Variants in EYS observed in about 807,000 individuals in gnomAD.
The protein encoded by EYS is EGF-like photoreceptor maintenance factor, also known as protein eyes shut homolog.
Under a neutral mutation model 282.1 loss-of-function variants are expected in EYS, and 250 were observed. The ratio of observed to expected loss-of-function variants is 0.89; its 90% CI spans 0.80 to 0.98. EYS has a LOEUF of 0.98. Ranked by LOEUF, EYS falls within the 50% of genes least tolerant of loss-of-function variation. The pLI is 0.00. For missense variants in EYS, 4,016 were observed against 3,709.0 expected, an observed-to-expected ratio of 1.08 and a Z score of -2.15; for synonymous variants, 1,355 against 1,282.9, an observed-to-expected ratio of 1.06 and a Z score of -1.20.
chr6:65,694,080 A>T (rs576961542), intron 1 of EYS, among the ~76,000 whole-genome samples: 4 of 150,264 alleles, frequency 2.7e-5, no homozygotes, highest in African/African-American at 7.3e-5. Flanking sequence ...ATTGTTTAAA[A>T]ATTATGTATA....
intron 12 of EYS, among the ~76,000 whole-genome samples, chr6:65,110,262 C>T (rs997390843): frequency 3.3e-5 from 5 of 152,046 alleles, no homozygotes; most frequent in Admixed American, 1.3e-4. Flanking sequence ...TTTAATGACC[C>T]GTAACTATGT....
chr6:65,169,054 A>G (rs1252372477), intron 12 of EYS, among the ~76,000 whole-genome samples: 1 of 151,458 alleles, frequency 6.6e-6, no homozygotes, highest in African/African-American at 2.4e-5. Flanking sequence ...ATCATTCCCT[A>G]TTCCTGAACA....
chr6:64,579,310 A>G (rs1184865753), intron 26 of EYS, among the ~76,000 whole-genome samples: 1 of 152,088 alleles, frequency 6.6e-6, no homozygotes, highest in Non-Finnish European at 1.5e-5. Flanking sequence ...TTCCTTCCTC[A>G]AACAGTATAT....
chr6:63,954,650 C>A (rs1236969173), intron 35 of EYS, among the ~76,000 whole-genome samples: 2 of 152,074 alleles, frequency 1.3e-5, no homozygotes, highest in African/African-American at 4.8e-5. Context: ...GCTAAAAAAG[C>A]AGTTAGAGTT....
intron 31 of EYS, among the ~76,000 whole-genome samples, chr6:64,130,590 A>G (rs962881883): frequency 3.9e-5 from 6 of 152,066 alleles, no homozygotes; most frequent in Non-Finnish European, 8.8e-5. Context: ...ACAAACCTGC[A>G]CATTGTGCAC....
intron 40 of EYS, among the ~76,000 whole-genome samples, chr6:63,763,875 T>TAC: frequency 1.1e-5 from 1 of 93,780 alleles, no homozygotes; most frequent in Non-Finnish European, 1.9e-5. Flanking sequence ...TCTTGTTATA[T>TAC]ATATATATAT....
intron 12 of EYS, among the ~76,000 whole-genome samples, chr6:65,227,460 A>C (rs1394667614): frequency 6.6e-6 from 1 of 152,180 alleles, no homozygotes; most frequent in African/African-American, 2.4e-5. Flanking sequence ...TGCTTGTGGA[A>C]GTATAAAACG....
At chr6:65,112,204 T>C (rs1192075012) in intron 12 of EYS, among the ~76,000 whole-genome samples, 3 of 152,122 alleles carry the variant, frequency 2.0e-5, no homozygotes, top group Non-Finnish European at 4.4e-5. Flanking sequence ...CATTCCCGAG[T>C]ATGCAAAATG....
intron 26 of EYS, among the ~76,000 whole-genome samples, chr6:64,524,502 T>G (rs1027337802): frequency 1.2e-4 from 18 of 151,892 alleles, no homozygotes; most frequent in African/African-American, 4.3e-4. Context: ...TGTCAATTTT[T>G]GCATTTGTTG....
rs2150319928 is a variant in EYS at position 65,344,118 on chromosome 6, A to G, written c.1519T>C (p.Cys507Arg). ...IDAYFFLAANCTEDATYVNDP... is the reference protein window; with the variant it reads ...IDAYFFLAANRTEDATYVNDP... ...TTCACATAGGTTGCATCTTCAGTGC[A>G]GTTTGCAGCCAGAAAGAAATAGGCA... Residue 507 changes from cysteine to arginine, a missense_variant, in exon 10 of 43, where the codon TGC (cysteine) becomes CGC (arginine). Coordinates refer to ENST00000503581, the MANE Select transcript of EYS (RefSeq NM_001142800.2). 1 of 1,610,660 alleles carries G rather than the reference A, an allele frequency of 6.2e-7. No homozygotes were observed.
chr6:65,470,383 A>G (rs1174091307), intron 5 of EYS, among the ~76,000 whole-genome samples: 1 of 152,176 alleles, frequency 6.6e-6, no homozygotes, highest in Admixed American at 6.6e-5. Flanking sequence ...ACATGTAGCA[A>G]GTACTCAATA....
At chr6:64,307,447 C>T (rs1013471574) in intron 29 of EYS, among the ~76,000 whole-genome samples, 3 of 152,050 alleles carry the variant, frequency 2.0e-5, no homozygotes, top group African/African-American at 7.2e-5. Flanking sequence ...AAGTTAGACA[C>T]AAACATATGT....
At chr6:64,207,721 G>A (rs947612062) in intron 31 of EYS, among the ~76,000 whole-genome samples, 1 of 151,948 alleles carries the variant, frequency 6.6e-6, no homozygotes, top group African/African-American at 2.4e-5. Context: ...GCAGTGGTGC[G>A]ACCTCGGATC....
At position 64,387,646 on chromosome 6, in the gene EYS, T is replaced by C. The variant is rs565503670; in HGVS notation, c.6078+1044A>G. 2.9e-3 allele frequency among the ~76,000 whole-genome samples: 449 copies of C among 152,272 alleles called. 3 individuals carry two copies. Among genetic ancestry groups the C allele is most frequent in the African/African-American group, 0.01 (420 of 41,588 alleles). ...AAACAAAACATATTTTTTACTATCA[T>C]GGAACTTTTAGAATGGTTTCATTTA... On this transcript the variant is annotated intron_variant, in intron 29 of 42. Transcript: ENST00000503581.
At chr6:64,101,275 T>C (rs1045950968) in intron 31 of EYS, among the ~76,000 whole-genome samples, 4 of 152,164 alleles carry the variant, frequency 2.6e-5, no homozygotes, top group African/African-American at 7.2e-5. Flanking sequence ...ATCCCAGTGC[T>C]ATATTTTGAA....
At chr6:63,746,394 G>A (rs1029804521) in intron 41 of EYS, among the ~76,000 whole-genome samples, 1 of 151,936 alleles carries the variant, frequency 6.6e-6, no homozygotes, top group Admixed American at 6.6e-5. Context: ...TCTTTTTTTG[G>A]TTGTGTCTCT....
At chr6:64,254,760 A>G (rs1042435093) in intron 30 of EYS, among the ~76,000 whole-genome samples, 1 of 152,046 alleles carries the variant, frequency 6.6e-6, no homozygotes, top group Non-Finnish European at 1.5e-5. Context: ...TGTTTGCATT[A>G]TTGTAACATG....
intron 13 of EYS, among the ~76,000 whole-genome samples, chr6:65,018,428 G>T (rs1274411873): frequency 6.6e-6 from 1 of 152,092 alleles, no homozygotes. Context: ...CTCAATATTT[G>T]TCTGTGTCTA....
At chr6:64,459,381 C>A (rs1775666900) in intron 26 of EYS, among the ~76,000 whole-genome samples, 1 of 152,042 alleles carries the variant, frequency 6.6e-6, no homozygotes, top group African/African-American at 2.4e-5. Context: ...TTTTCTTAAA[C>A]CTTTCATCTC....
Sources: gnomAD v4.1 joint callset for allele counts (sites outside exome capture counted in the v4.1 genomes callset) on GRCh38, gnomAD v4.1.1 for gene constraint, MANE v1.5 for transcripts, NCBI Gene and HGNC (gene_info 2026-07-23, HGNC 2026-07-21) for gene names.